NAV2: variants seen among roughly 807,000 people sequenced by gnomAD.
NAV2 encodes the protein helicase, APC down-regulated 1.
In NAV2, 54 loss-of-function variants were observed where a neutral mutation model predicts 223.2. The ratio of observed to expected loss-of-function variants is 0.24; its 90% CI spans 0.19 to 0.30. The LOEUF (loss-of-function observed/expected upper bound fraction) is 0.30. Ranked by LOEUF, NAV2 falls within the 10% of genes least tolerant of loss-of-function variation. The pLI is 1.00. For missense variants in NAV2, 2,806 were observed against 3,147.5 expected, an observed-to-expected ratio of 0.89 and a Z score of 2.60; for synonymous variants, 1,279 against 1,239.3, an observed-to-expected ratio of 1.03 and a Z score of -0.67.
chr11:19,882,051 G>A (rs1194837454), intron 5 of NAV2, among the ~76,000 whole-genome samples: 1 of 152,192 alleles, frequency 6.6e-6, no homozygotes, highest in East Asian at 1.9e-4. Flanking sequence ...AAACTGGATA[G>A]GGTTTGGACT....
intron 1 of NAV2, among the ~76,000 whole-genome samples, chr11:19,455,294 TG>T (rs1442488208): frequency 4.6e-5 from 7 of 152,152 alleles, no homozygotes; most frequent in African/African-American, 1.7e-4. Context: ...GGAAAAGTGA[TG>T]GGTTGGAAGG....
rs549961452 is a variant in NAV2, at chr11:19,803,371, G to A, written c.268-29113G>A. ...CCTTTAATGCCCTTTAGCAGAGAACGCCTCACACTGCAGAGGTTACCTTGG... is the reference window on the plus strand; with the variant it reads ...CCTTTAATGCCCTTTAGCAGAGAACACCTCACACTGCAGAGGTTACCTTGG... On this transcript the variant is annotated intron_variant, in intron 1 of 37. Transcript: ENST00000349880. Among the ~76,000 whole-genome samples, 6 of 152,228 alleles carry A rather than the reference G, an allele frequency of 3.9e-5. No individual in the cohort carries two copies. The South Asian group carries it at 8.3e-4, about 21-fold the overall frequency.
chr11:19,947,062 A>C (rs1041206057), intron 9 of NAV2, among the ~76,000 whole-genome samples: 1 of 152,228 alleles, frequency 6.6e-6, no homozygotes, highest in Non-Finnish European at 1.5e-5. Flanking sequence ...CAACCCTGGG[A>C]TGTCTTTTGT....
At chr11:19,835,357 G>A (rs750448855) in intron 2 of NAV2, among the ~76,000 whole-genome samples, 31 of 152,144 alleles carry the variant, frequency 2.0e-4, no homozygotes, top group Non-Finnish European at 3.1e-4. Flanking sequence ...TGACTCTCTC[G>A]CCAGACTGGC....
At chr11:19,462,681 T>C (rs567414174) in intron 1 of NAV2, among the ~76,000 whole-genome samples, 2 of 152,236 alleles carry the variant, frequency 1.3e-5, no homozygotes, top group African/African-American at 4.8e-5. Context: ...CAGAATGGGG[T>C]AGTGATGACC....
intron 1 of NAV2, among the ~76,000 whole-genome samples, chr11:19,775,664 A>G (rs2056096415): frequency 6.6e-6 from 1 of 152,228 alleles, no homozygotes; most frequent in Non-Finnish European, 1.5e-5. Flanking sequence ...GACAACAGTA[A>G]TGGAGTGGAA....
intron 1 of NAV2, among the ~76,000 whole-genome samples, chr11:19,763,768 C>T (rs955839231): frequency 2.0e-5 from 3 of 148,732 alleles, no homozygotes; most frequent in Non-Finnish European, 4.4e-5. Flanking sequence ...AAAAGATTAG[C>T]GTTGTTGTTT....
chr11:19,709,378 T>G (rs939641003), upstream of NAV2, among the ~76,000 whole-genome samples: 1 of 151,426 alleles, frequency 6.6e-6, no homozygotes, highest in African/African-American at 2.4e-5. Context: ...CCGTCTCTAC[T>G]AAAAATACAA....
At chr11:19,575,812 A>T (rs1332841957) in intron 1 of NAV2, among the ~76,000 whole-genome samples, 1 of 152,218 alleles carries the variant, frequency 6.6e-6, no homozygotes, top group East Asian at 1.9e-4. Flanking sequence ...CATCTCATTC[A>T]TTCAGCAAAT....
intron 1 of NAV2, among the ~76,000 whole-genome samples, chr11:19,650,326 C>T (rs1253435098): frequency 2.6e-5 from 4 of 152,164 alleles, no homozygotes; most frequent in Non-Finnish European, 5.9e-5. Flanking sequence ...GGGAGTTAGG[C>T]TGCCACAAGC....
Position 19,417,645 on chromosome 11 carries a change from C to T in NAV2, c.75+66618C>T, listed in dbSNP as rs139052795. ...ATTCTACTATAAAGACACATGCACA[C>T]GCATGTTTATTGCAGCACTATTCAC... is the stretch of plus-strand genomic sequence containing the variant. On this transcript the variant is annotated intron_variant, in intron 1 of 37. Transcript: ENST00000360655. 8.2e-3 allele frequency among the ~76,000 whole-genome samples: 1,250 copies of T among 152,258 alleles called. 18 individuals carry two copies. The highest frequency in any genetic ancestry group is 0.026 in the African/African-American group (1,094 of 41,542).
In NAV2 at chr11:19,554,591, G is replaced by A. The variant is rs115138104; in HGVS notation, c.75+203564G>A. Among the ~76,000 whole-genome samples, 604 of 152,320 alleles carry A rather than the reference G, an allele frequency of 4.0e-3. 7 individuals are homozygous for A. The highest frequency in any genetic ancestry group is 0.014 in the African/African-American group (575 of 41,560). On this transcript the variant is annotated intron_variant, in intron 1 of 37. Transcript: ENST00000360655. ...TGTTTGTGGGCTTTGTGACTTTCAG[G>A]CCACTTGTCCTCCAGGGTTCTGTTT...
At chr11:20,075,510 G>C (rs1475475152) in intron 22 of NAV2, among the ~76,000 whole-genome samples, 1 of 152,026 alleles carries the variant, frequency 6.6e-6, no homozygotes, top group Non-Finnish European at 1.5e-5. Flanking sequence ...CAAAGTGCTG[G>C]GATTACAGGC....
At chr11:20,011,204 G>C (rs2053538316) in intron 11 of NAV2, among the ~76,000 whole-genome samples, 1 of 151,896 alleles carries the variant, frequency 6.6e-6, no homozygotes, top group Non-Finnish European at 1.5e-5. Context: ...GTTTTGGTGA[G>C]GTTTCTGTTT....
At position 19,387,136 on chromosome 11, in the gene NAV2, CTG is replaced by C. The variant is rs572554660; in HGVS notation, c.75+36111_75+36112del. Among the ~76,000 whole-genome samples the C allele has an allele frequency of 4.6e-5, 7 of 152,322 alleles. No individual in the cohort carries two copies. The South Asian group carries it at 1.4e-3, about 32-fold the overall frequency. On this transcript the variant is annotated intron_variant, in intron 1 of 37. Transcript: ENST00000360655. ...ACACACTCGCACTCACACACACTCT[CTG>C]TATACACATACACGAGACAGTTGAT...
intron 1 of NAV2, among the ~76,000 whole-genome samples, chr11:19,533,418 C>T (rs1018879100): frequency 2.6e-5 from 4 of 152,116 alleles, no homozygotes; most frequent in African/African-American, 9.7e-5. Flanking sequence ...TTCTTCAAGG[C>T]TGACAAACAT....
intron 10 of NAV2, among the ~76,000 whole-genome samples, chr11:19,980,876 C>T (rs1410086860): frequency 1.3e-5 from 2 of 152,092 alleles, no homozygotes; most frequent in African/African-American, 4.8e-5. Flanking sequence ...GTGAGGCTGG[C>T]TCTAACCACA....
At chr11:19,636,882 G>A (rs2047517467) in intron 1 of NAV2, among the ~76,000 whole-genome samples, 1 of 152,196 alleles carries the variant, frequency 6.6e-6, no homozygotes, top group South Asian at 2.1e-4. Context: ...TCCAGCTGGT[G>A]TAGAGCCACA....
At chr11:19,463,524 C>A (rs1852238709) in intron 1 of NAV2, among the ~76,000 whole-genome samples, 1 of 152,226 alleles carries the variant, frequency 6.6e-6, no homozygotes, top group Non-Finnish European at 1.5e-5. Context: ...AACTTCTTTG[C>A]TTACCTTAGT....
Sources: gnomAD v4.1 joint callset for allele counts (sites outside exome capture counted in the v4.1 genomes callset) on GRCh38, gnomAD v4.1.1 for gene constraint, MANE v1.5 for transcripts, NCBI Gene and HGNC (gene_info 2026-07-23, HGNC 2026-07-21) for gene names.